Variants in BAIAP2 observed in about 807,000 individuals in gnomAD.
BAIAP2 encodes the protein BAR/IMD domain containing adaptor protein 2.
BAIAP2 carries 18 observed loss-of-function variants against 63.0 expected under a neutral mutation model. That is an observed-to-expected ratio of 0.29 (90% CI 0.20 to 0.42). BAIAP2 has a LOEUF of 0.42. Among genes scored for constraint, BAIAP2 ranks in the 10% least tolerant of loss-of-function variants. BAIAP2 has a pLI of 1.00. For synonymous variants in BAIAP2, 386 were observed against 307.6 expected (o/e 1.25, Z -2.67); for missense variants, 610 against 734.3 (o/e 0.83, Z 1.96).
intron 13 of BAIAP2, 193 bp downstream of exon 13, chr17:81,108,702 G>A: frequency 1.2e-6 from 1 of 858,878 alleles, no homozygotes; most frequent in Non-Finnish European, 1.8e-6. Flanking sequence ...ACCCCCCTGG[G>A]CCCTGCCCCT....
At chr17:81,035,331 C>G (rs11653973) in intron 1 of BAIAP2, 23 bp downstream of exon 1, 13 of 1,385,426 alleles carry the variant, frequency 9.4e-6, no homozygotes, top group Non-Finnish European at 1.1e-5. Flanking sequence ...CGGCGCCGAG[C>G]TGAGCCCGCT....
chr17:81,097,140 C>T (rs2057762818), intron 6 of BAIAP2, among the ~76,000 whole-genome samples: 1 of 152,200 alleles, frequency 6.6e-6, no homozygotes, highest in Non-Finnish European at 1.5e-5. Context: ...TTTAGGTGAC[C>T]CTGTGGCCAG....
chr17:81,089,304 CCT>C (rs2145434083), intron 6 of BAIAP2, among the ~76,000 whole-genome samples: 1 of 152,302 alleles, frequency 6.6e-6, no homozygotes, highest in South Asian at 2.1e-4. Context: ...ACCTCCAGTG[CCT>C]CGGTGGACCC....
intron 1 of BAIAP2, among the ~76,000 whole-genome samples, chr17:81,040,978 C>T (rs2046998581): frequency 6.6e-6 from 1 of 152,176 alleles, no homozygotes; most frequent in Admixed American, 6.5e-5. Flanking sequence ...GGAGTCCCCT[C>T]TAGGGGGCAG....
chr17:81,099,920 C>T lies in BAIAP2; in HGVS notation c.490-8C>T. ...GCTGGCTGAGCCTTTCTCCCTTTCC[C>T]TCCACAGTACATCGACGCCATCAGC... On this transcript the variant is annotated splice_polypyrimidine_tract_variant and splice_region_variant and intron_variant, in intron 6 of 13. Coordinates refer to ENST00000428708, the MANE Select transcript of BAIAP2 (RefSeq NM_001144888.2). 6.2e-7 allele frequency: 1 copy of T among 1,612,284 alleles called. No homozygotes were observed. Among genetic ancestry groups the T allele is most frequent in the Non-Finnish European group, 8.5e-7 (1 of 1,179,216 alleles).
intron 7 of BAIAP2, among the ~76,000 whole-genome samples, chr17:81,101,980 G>T (rs958687782): frequency 6.6e-6 from 1 of 152,200 alleles, no homozygotes; most frequent in African/African-American, 2.4e-5. Flanking sequence ...GAGTGAGAGC[G>T]GGGCTGTCAG....
chr17:81,108,523 C>G lies in BAIAP2; in HGVS notation c.1535+14C>G. 6.2e-7 allele frequency: 1 copy of G among 1,613,856 alleles called. No individual in the cohort carries two copies. The highest frequency in any genetic ancestry group is 8.5e-7 in the Non-Finnish European group (1 of 1,179,986). On this transcript the variant is annotated intron_variant, in intron 13 of 13. Transcript: ENST00000428708. ...GTCCATGAGCAGGTAAGGGGACTTT[C>G]AGACCTGTCTTTGGGACCGTGGGTG...
chr17:81,036,586 T>G (rs1168890442), intron 1 of BAIAP2, among the ~76,000 whole-genome samples: 1 of 152,132 alleles, frequency 6.6e-6, no homozygotes, highest in Non-Finnish European at 1.5e-5. Flanking sequence ...GCTTGTGAAG[T>G]TGGGGCCGCG....
chr17:81,116,196 C>T lies in BAIAP2; in HGVS notation c.*357C>T, dbSNP rs778581415. 3 of 1,607,946 alleles carry T rather than the reference C, an allele frequency of 1.9e-6. No individual in the cohort carries two copies. In the East Asian group the frequency reaches 6.7e-5, roughly 36 times the overall value. ...GGGGAGCCTGGCTGCCCTGCTGCTT[C>T]TCCTGCCTAATAAACAGGCTTCTCC... On this transcript the variant is annotated 3_prime_UTR_variant, in exon 14 of 14. Transcript: ENST00000428708.
rs139421927 is a variant in BAIAP2 at position 81,052,609 on chromosome 17, G to A, written c.55-1059G>A. Among the ~76,000 whole-genome samples the A allele has an allele frequency of 7.9e-3, 1,207 of 152,384 alleles. 66 individuals carry two copies. Among genetic ancestry groups the A allele is most frequent in the Admixed American group, 0.074 (1,134 of 15,312 alleles). ...CCTCAGGGCAGGGGATGGAACACTC[G>A]TCAAATAGCGGGTTTTCTGGAGGCA... On this transcript the variant is annotated intron_variant, in intron 1 of 13. Coordinates refer to ENST00000428708, the MANE Select transcript of BAIAP2 (RefSeq NM_001144888.2).
chr17:81,066,010 C>T (rs76714681), intron 3 of BAIAP2, among the ~76,000 whole-genome samples: 10,841 of 152,298 alleles, frequency 0.071, 532 homozygotes, highest in East Asian at 0.24. Flanking sequence ...TGTGGTCAGA[C>T]CCGCATGTCC....
chr17:81,064,947 G>A (rs2051204275), intron 3 of BAIAP2, among the ~76,000 whole-genome samples: 2 of 152,152 alleles, frequency 1.3e-5, no homozygotes, highest in African/African-American at 2.4e-5. Flanking sequence ...TCCCCTAGCC[G>A]GCAGCCACCC....
intron 3 of BAIAP2, among the ~76,000 whole-genome samples, chr17:81,077,256 C>G (rs561018711): frequency 2.6e-5 from 4 of 152,224 alleles, no homozygotes; most frequent in African/African-American, 9.6e-5. Flanking sequence ...TGGACTCGAT[C>G]CCCACACCGG....
At chr17:81,041,699 C>T (rs1482963129) in intron 1 of BAIAP2, among the ~76,000 whole-genome samples, 2 of 152,128 alleles carry the variant, frequency 1.3e-5, no homozygotes, top group Non-Finnish European at 2.9e-5. Flanking sequence ...CCCAGCCTCC[C>T]AAGTAGCTGG....
At chr17:81,075,790 C>T (rs539194023) in intron 3 of BAIAP2, among the ~76,000 whole-genome samples, 3 of 152,344 alleles carry the variant, frequency 2.0e-5, no homozygotes, top group Non-Finnish European at 2.9e-5. Context: ...TCCTCCCCTC[C>T]GTGGGCACAT....
intron 8 of BAIAP2, 34 bp downstream of exon 8, chr17:81,103,757 G>A (rs749264291): frequency 5.7e-6 from 9 of 1,580,698 alleles, no homozygotes; most frequent in Non-Finnish European, 5.2e-6. Flanking sequence ...CTTCACGGGT[G>A]TGGGTGGGAG....
Position 81,103,954 on chromosome 17 carries a change from C to T in BAIAP2, c.912C>T (p.Gly304=). 6.2e-7 allele frequency: 1 copy of T among 1,613,054 alleles called. No individual in the cohort carries two copies. The highest frequency in any genetic ancestry group is 1.1e-5 in the South Asian group (1 of 91,092). The change falls in exon 9 of 14, where the codon GGC becomes GGT. Residue 304 remains glycine, a synonymous_variant. Coordinates refer to ENST00000428708, the MANE Select transcript of BAIAP2 (RefSeq NM_001144888.2). Reference sequence around the variant, plus strand: ...CACCCATCATGAACGGCGTCACAGGCCCGGATGGCGAGGACTACAGCCCGT... The same window carrying T: ...CACCCATCATGAACGGCGTCACAGGTCCGGATGGCGAGGACTACAGCCCGT... The part of the protein sequence containing the change: ...ESTPIMNGVT[G]PDGEDYSPWA...
Position 81,116,599 on chromosome 17 carries a change from C to T in BAIAP2, c.*760C>T, listed in dbSNP as rs564886406. On this transcript the variant is annotated 3_prime_UTR_variant, in exon 14 of 14. Coordinates refer to ENST00000428708, the MANE Select transcript of BAIAP2 (RefSeq NM_001144888.2). ...CAGAGTGCCCGCTGGCAGGTGGGGG[C>T]TTCCCCGCTTCCGGGGTCTGCCCCA... 8.9e-5 allele frequency: 41 copies of T among 458,676 alleles called. No individual in the cohort carries two copies. The highest frequency in any genetic ancestry group is 7.8e-4 in the African/African-American group (40 of 51,236). The allele number at this position is 458,676 out of a possible 1,614,324, so 28.4% of individuals were successfully genotyped here. A position where few individuals can be genotyped will look rare whatever the true frequency, so the allele number is the denominator to read the frequency against.
chr17:81,036,837 C>G, intron 1 of BAIAP2: 1 of 1,512,790 alleles, frequency 6.6e-7, no homozygotes, highest in Non-Finnish European at 8.9e-7. Flanking sequence ...GTCATTAGCT[C>G]CATTACGACT....
Sources: gnomAD v4.1 joint callset for allele counts (sites outside exome capture counted in the v4.1 genomes callset) on GRCh38, gnomAD v4.1.1 for gene constraint, MANE v1.5 for transcripts, NCBI Gene and HGNC (gene_info 2026-07-23, HGNC 2026-07-21) for gene names.